NOX4: variants seen among roughly 807,000 people sequenced by gnomAD.
The protein encoded by NOX4 is kidney oxidase-1.
A neutral mutation model predicts 87.6 loss-of-function variants in NOX4; 69 were observed. The observed-to-expected ratio is 0.79, with a 90% confidence interval of 0.65 to 0.96. The LOEUF is 0.96. NOX4 is among the 40% of genes least tolerant of loss of function. The probability of loss-of-function intolerance (pLI) is 0.00; values close to 1 mark genes in which losing one functional copy is unlikely to be tolerated. For synonymous variants in NOX4, 275 were observed against 238.2 expected (o/e 1.15, Z -1.42); for missense variants, 680 against 681.5 (o/e 1.00, Z 0.02).
intron 12 of NOX4, among the ~76,000 whole-genome samples, chr11:89,369,416 A>T (rs1257432151): frequency 6.6e-6 from 1 of 152,100 alleles, no homozygotes; most frequent in South Asian, 2.1e-4. Flanking sequence ...ACCAAAACAC[A>T]ATCTCTATAA....
chr11:89,439,364 T>TA (rs1320538946), intron 6 of NOX4, among the ~76,000 whole-genome samples: 1 of 151,992 alleles, frequency 6.6e-6, no homozygotes, highest in East Asian at 1.9e-4. Context: ...AAAGCAAAAC[T>TA]AAATTGTGTT....
the NOX4 span, among the ~76,000 whole-genome samples, chr11:89,565,726 T>TA: frequency 0.028 from 3,992 of 144,076 alleles, 89 homozygotes; most frequent in African/African-American, 0.06. Context: ...TAAAGTATAA[T>TA]AAAAAAAAAA....
the NOX4 span, among the ~76,000 whole-genome samples, chr11:89,536,576 A>G: frequency 1.3e-5 from 2 of 152,184 alleles, no homozygotes; most frequent in Admixed American, 6.5e-5. Flanking sequence ...TTATACTTCA[A>G]ATAGTGCTGG....
At chr11:89,384,403 C>A (rs1175365418) in intron 11 of NOX4, among the ~76,000 whole-genome samples, 1 of 152,170 alleles carries the variant, frequency 6.6e-6, no homozygotes, top group East Asian at 1.9e-4. Context: ...TAAATTTCTT[C>A]CTCATCCATT....
chr11:89,515,637 T>C, the NOX4 span, among the ~76,000 whole-genome samples: 1 of 151,948 alleles, frequency 6.6e-6, no homozygotes, highest in African/African-American at 2.4e-5. Flanking sequence ...TATTTGCCTA[T>C]ACCAGGATTG....
At chr11:89,405,074 G>T (rs1942091641) in intron 8 of NOX4, among the ~76,000 whole-genome samples, 1 of 146,072 alleles carries the variant, frequency 6.8e-6, no homozygotes, top group African/African-American at 2.6e-5. Context: ...ATAAACAAAA[G>T]TCAGATTGTG....
rs1323051801 is a variant in NOX4, at chr11:89,429,279, C to T, written c.548+3505G>A. 7.2e-5 allele frequency among the ~76,000 whole-genome samples: 11 copies of T among 152,138 alleles called. No homozygotes were observed. In the South Asian group the frequency reaches 2.3e-3, roughly 31 times the overall value. ...GCAGGAAAGATCTAAAATTGACACC[C>T]TAATATCACAATTAAAAGAACTAGA... On this transcript the variant is annotated intron_variant, in intron 7 of 17. Coordinates refer to ENST00000263317, the MANE Select transcript of NOX4 (RefSeq NM_016931.5).
chr11:89,553,631 A>G, the NOX4 span, among the ~76,000 whole-genome samples: 1 of 152,188 alleles, frequency 6.6e-6, no homozygotes. Flanking sequence ...AAAATTCATT[A>G]TTGAATAAGA....
intron 2 of NOX4, among the ~76,000 whole-genome samples, chr11:89,474,458 C>CAAA (rs67342388): frequency 1.0e-5 from 1 of 97,044 alleles, no homozygotes; most frequent in Non-Finnish European, 2.2e-5. Flanking sequence ...TCTATAATAC[C>CAAA]AAAAAAAAAA....
At chr11:89,455,899 CAG>C (rs1226181810) in intron 2 of NOX4, among the ~76,000 whole-genome samples, 1 of 151,750 alleles carries the variant, frequency 6.6e-6, no homozygotes. Context: ...CTCATGGAGA[CAG>C]AGAATAGGCT....
chr11:89,371,702 A>G (rs1939455826), intron 12 of NOX4, among the ~76,000 whole-genome samples: 1 of 151,818 alleles, frequency 6.6e-6, no homozygotes, highest in South Asian at 2.1e-4. Flanking sequence ...CACTGTGATA[A>G]TATCAACTTA....
chr11:89,344,846 T>G (rs1404499299), intron 13 of NOX4, among the ~76,000 whole-genome samples: 1 of 152,208 alleles, frequency 6.6e-6, no homozygotes, highest in Non-Finnish European at 1.5e-5. Context: ...AAAGCTTAGT[T>G]TGTTAATAAT....
At position 89,491,115 on chromosome 11, in the gene NOX4, G is replaced by A. The variant is rs538605381; in HGVS notation, c.57+75C>T. ...AACTTCCACTTCCAGCTTCCCACCCGTGCACGCTCAGAGAATGAATCAAAA... is the reference window on the plus strand; with the variant it reads ...AACTTCCACTTCCAGCTTCCCACCCATGCACGCTCAGAGAATGAATCAAAA... On this transcript the variant is annotated intron_variant, in intron 1 of 17. Coordinates refer to ENST00000263317, the MANE Select transcript of NOX4 (RefSeq NM_016931.5). 1.6e-5 allele frequency: 23 copies of A among 1,415,914 alleles called. No homozygotes were observed. The East Asian group carries it at 2.8e-4, about 17-fold the overall frequency. 87.7% of individuals were successfully genotyped at this position (1,415,914 alleles called of 1,614,324 possible).
At chr11:89,571,353 G>A in the NOX4 span, among the ~76,000 whole-genome samples, 1 of 149,950 alleles carries the variant, frequency 6.7e-6, no homozygotes, top group Non-Finnish European at 1.5e-5. Flanking sequence ...CTGGAGTGCA[G>A]TGGCATGATG....
intron 1 of NOX4, chr11:89,490,948 C>T (rs1396773122): frequency 4.5e-6 from 3 of 667,544 alleles, no homozygotes; most frequent in African/African-American, 3.7e-5. Flanking sequence ...ATGACCTCTT[C>T]CCTCTTCCTC....
chr11:89,480,180 G>A (rs950033544), intron 2 of NOX4, among the ~76,000 whole-genome samples: 7 of 152,078 alleles, frequency 4.6e-5, no homozygotes, highest in African/African-American at 1.2e-4. Flanking sequence ...AGACTTTCAC[G>A]ATCCCACTTC....
At chr11:89,451,560 A>T (rs897782368) in intron 3 of NOX4, among the ~76,000 whole-genome samples, 1 of 152,182 alleles carries the variant, frequency 6.6e-6, no homozygotes, top group African/African-American at 2.4e-5. Flanking sequence ...AACACTAAGC[A>T]TAGTGCTGGA....
intron 2 of NOX4, among the ~76,000 whole-genome samples, chr11:89,480,303 C>T (rs1187625526): frequency 2.0e-5 from 3 of 152,034 alleles, no homozygotes; most frequent in Non-Finnish European, 4.4e-5. Context: ...TAATGATGTC[C>T]AGGGGAACAA....
rs191352120 is a variant in NOX4 at position 89,467,504 on chromosome 11, C to T, written c.154-15609G>A. Among the ~76,000 whole-genome samples, 477 of 152,124 alleles carry T rather than the reference C, an allele frequency of 3.1e-3. 1 individual carries two copies. The highest frequency in any genetic ancestry group is 4.9e-3 in the Non-Finnish European group (336 of 67,986). ...AACAAACATTTATTTCTCTCCATTC[C>T]GGAGTCTACAAGTTCAAGGTCAAGG... On this transcript the variant is annotated intron_variant, in intron 2 of 17. Coordinates refer to ENST00000263317, the MANE Select transcript of NOX4 (RefSeq NM_016931.5).
Sources: gnomAD v4.1 joint callset for allele counts (sites outside exome capture counted in the v4.1 genomes callset) on GRCh38, gnomAD v4.1.1 for gene constraint, MANE v1.5 for transcripts, NCBI Gene and HGNC (gene_info 2026-07-23, HGNC 2026-07-21) for gene names.